The following TIFAB variants were observed in gnomAD, a reference collection of about 807,000 sequenced individuals.
TIFAB encodes TIFA inhibitor.
For synonymous variants in TIFAB, 116 were observed against 95.2 expected, an observed-to-expected ratio of 1.22 and a Z score of -1.27; for missense variants, 222 against 203.6, an observed-to-expected ratio of 1.09 and a Z score of -0.55.
At position 135,444,964 on chromosome 5, in the gene TIFAB, T is replaced by C. The variant is rs1769228844; in HGVS notation, c.*4490A>G. On this transcript the variant is annotated 3_prime_UTR_variant, in exon 2 of 2. Transcript: ENST00000537858. ...GGCACAGTGAGGCGGGTGTTGCAAG[T>C]GGACGCGTCGGGGGTGGTCTGCACG... is the stretch of plus-strand genomic sequence containing the variant. 6.6e-6 allele frequency: 1 copy of C among 152,496 alleles called. No individual in the cohort carries two copies. The highest frequency in any genetic ancestry group is 2.4e-5 in the African/African-American group (1 of 41,426). 9.4% of individuals were successfully genotyped at this position (152,496 alleles called of 1,614,324 possible). A position where few individuals can be genotyped will look rare whatever the true frequency, so the allele number is the denominator to read the frequency against.
rs1260874074 is a variant in TIFAB at position 135,444,821 on chromosome 5, T to C, written c.*4633A>G. On this transcript the variant is annotated 3_prime_UTR_variant, in exon 2 of 2. Transcript: ENST00000537858. ...TGTAGTGACCGTCCATTTGAAGGGATAGGGAAATATTCCCTCAGTGTCCTG... is the reference window on the plus strand; with the variant it reads ...TGTAGTGACCGTCCATTTGAAGGGACAGGGAAATATTCCCTCAGTGTCCTG... 3.9e-5 allele frequency: 6 copies of C among 152,266 alleles called. No homozygotes were observed. Among genetic ancestry groups the C allele is most frequent in the African/African-American group, 1.2e-4 (5 of 41,460 alleles). 9.4% of individuals were successfully genotyped at this position (152,266 alleles called of 1,614,324 possible). A position where few individuals can be genotyped will look rare whatever the true frequency, so the allele number is the denominator to read the frequency against.
chr5:135,447,238 T>C lies in TIFAB; in HGVS notation c.*2216A>G, dbSNP rs1327775972. The C allele has an allele frequency of 8.9e-6, 10 of 1,125,930 alleles. No individual in the cohort carries two copies. Among genetic ancestry groups the C allele is most frequent in the Non-Finnish European group, 1.3e-5 (10 of 785,736 alleles). 69.7% of individuals were successfully genotyped at this position (1,125,930 alleles called of 1,614,324 possible). A position where few individuals can be genotyped will look rare whatever the true frequency, so the allele number is the denominator to read the frequency against. ...TATACTAACCCTGCCTATTGGACCT[T>C]CTGATGCAAGGAGCAGATTAAAATC... On this transcript the variant is annotated 3_prime_UTR_variant, in exon 2 of 2. Coordinates refer to ENST00000537858, the MANE Select transcript of TIFAB (RefSeq NM_001099221.2).
intron 1 of TIFAB, among the ~76,000 whole-genome samples, chr5:135,451,428 T>C (rs1769360452): frequency 6.6e-6 from 1 of 151,896 alleles, no homozygotes; most frequent in Admixed American, 6.6e-5. Context: ...CAGACACACA[T>C]ATGCCTCTAC....
Position 135,449,207 on chromosome 5 carries a change from G to T in TIFAB, c.*247C>A. Reference sequence around the variant, plus strand: ...CCCCTGGGCTGTTTGTTCGGTGTTTGCAGAATTGGTTCATTATGAGCAAGG... The same window carrying T: ...CCCCTGGGCTGTTTGTTCGGTGTTTTCAGAATTGGTTCATTATGAGCAAGG... On this transcript the variant is annotated 3_prime_UTR_variant, in exon 2 of 2. Coordinates refer to ENST00000537858, the MANE Select transcript of TIFAB (RefSeq NM_001099221.2). The T allele has an allele frequency of 1.7e-6, 1 of 578,376 alleles. No homozygotes were observed. The highest frequency in any genetic ancestry group is 3.0e-6 in the Non-Finnish European group (1 of 332,884). 35.8% of individuals were successfully genotyped at this position (578,376 alleles called of 1,614,324 possible).
chr5:135,447,056 T>TC lies in TIFAB; in HGVS notation c.*2397dup, dbSNP rs1279480630. 1 of 1,613,876 alleles carries TC rather than the reference T, an allele frequency of 6.2e-7. No individual in the cohort carries two copies. The highest frequency in any genetic ancestry group is 1.7e-5 in the Admixed American group (1 of 60,014). On this transcript the variant is annotated 3_prime_UTR_variant, in exon 2 of 2. Transcript: ENST00000537858. Reference sequence around the variant, plus strand: ...CAGTCTTTGGTGTCCAGGTACAGTCTCCAGGCCGTGGCTTCTCGAGTTCTG... The same window carrying TC: ...CAGTCTTTGGTGTCCAGGTACAGTCTCCCAGGCCGTGGCTTCTCGAGTTCTG...
At position 135,446,748 on chromosome 5, in the gene TIFAB, C is replaced by T; in HGVS notation, c.*2706G>A. ...CGGGCTCCCTCCCGCCTGGTCTGGC[C>T]TGTCTTCCTTCTGCTGCTATGCAGT... is the stretch of plus-strand genomic sequence containing the variant. On this transcript the variant is annotated 3_prime_UTR_variant, in exon 2 of 2. Coordinates refer to ENST00000537858, the MANE Select transcript of TIFAB (RefSeq NM_001099221.2). The T allele has an allele frequency of 6.2e-7, 1 of 1,613,972 alleles. No individual in the cohort carries two copies. The highest frequency in any genetic ancestry group is 8.5e-7 in the Non-Finnish European group (1 of 1,179,866).
At chr5:135,450,020 C>A in intron 1 of TIFAB, 71 bp from the exon 2 acceptor site, 1 of 1,498,668 alleles carries the variant, frequency 6.7e-7, no homozygotes, top group Non-Finnish European at 8.9e-7. Context: ...TGAGCCCAGA[C>A]ACACTTGCCC....
In TIFAB at chr5:135,447,038, T is replaced by A. The variant is rs142314555; in HGVS notation, c.*2416A>T. 2.7e-5 allele frequency: 43 copies of A among 1,613,996 alleles called. No individual in the cohort carries two copies. In the African/African-American group the frequency reaches 3.9e-4, roughly 15 times the overall value. On this transcript the variant is annotated 3_prime_UTR_variant, in exon 2 of 2. Transcript: ENST00000537858. The stretch of plus-strand genomic sequence containing the variant: ...CCCACCAGCTCCTCTCTCCAGTCTT[T>A]GGTGTCCAGGTACAGTCTCCAGGCC...
rs1172086296 is a variant in TIFAB at position 135,445,706 on chromosome 5, C to T, written c.*3748G>A. On this transcript the variant is annotated 3_prime_UTR_variant, in exon 2 of 2. Transcript: ENST00000537858. ...AGTGAGTGCTCCACCATGGGCCTCC[C>T]TTCCTCCAGGTTGCATCCAGGACTA... is the stretch of plus-strand genomic sequence containing the variant. 1 of 152,418 alleles carries T rather than the reference C, an allele frequency of 6.6e-6. No individual in the cohort carries two copies. The allele number at this position is 152,418 out of a possible 1,614,324, so 9.4% of individuals were successfully genotyped here.
In TIFAB at chr5:135,447,050, A is replaced by T. The variant is rs771055758; in HGVS notation, c.*2404T>A. ...TCTCTCCAGTCTTTGGTGTCCAGGT[A>T]CAGTCTCCAGGCCGTGGCTTCTCGA... On this transcript the variant is annotated 3_prime_UTR_variant, in exon 2 of 2. Transcript: ENST00000537858. 2 of 1,613,890 alleles carry T rather than the reference A, an allele frequency of 1.2e-6. No homozygotes were observed. Among genetic ancestry groups the T allele is most frequent in the Admixed American group, 1.7e-5 (1 of 60,000 alleles).
In TIFAB at chr5:135,447,860, G is replaced by T. The variant is rs1769298400; in HGVS notation, c.*1594C>A. On this transcript the variant is annotated 3_prime_UTR_variant, in exon 2 of 2. Coordinates refer to ENST00000537858, the MANE Select transcript of TIFAB (RefSeq NM_001099221.2). Reference sequence around the variant, plus strand: ...TGAGTGCAAGGTAAACTCCCTGAGGGAGTTTGCCTTATTCACTTCTGGTTC... The same window carrying T: ...TGAGTGCAAGGTAAACTCCCTGAGGTAGTTTGCCTTATTCACTTCTGGTTC... 6.6e-6 allele frequency: 1 copy of T among 152,264 alleles called. No homozygotes were observed. The highest frequency in any genetic ancestry group is 1.5e-5 in the Non-Finnish European group (1 of 68,096). The allele number at this position is 152,264 out of a possible 1,614,324, so 9.4% of individuals were successfully genotyped here. A position where few individuals can be genotyped will look rare whatever the true frequency, so the allele number is the denominator to read the frequency against.
In TIFAB at chr5:135,449,867, C is replaced by CA; in HGVS notation, c.72dup (p.Val25CysfsTer8). 1 of 1,583,250 alleles carries CA rather than the reference C, an allele frequency of 6.3e-7. No individual in the cohort carries two copies. The stretch of plus-strand genomic sequence containing the variant: ...GTATCATGCTGCAGCCGTGGTGGGA[C>CA]ATTGGCAAAGGCAGATGGGCCCAGC... On this transcript the variant is annotated frameshift_variant, in exon 2 of 2. Coordinates refer to ENST00000537858, the MANE Select transcript of TIFAB (RefSeq NM_001099221.2). LOFTEE classifies it low-confidence loss of function (END_TRUNC).
intron 1 of TIFAB, among the ~76,000 whole-genome samples, chr5:135,451,244 T>C (rs1769358044): frequency 6.6e-6 from 1 of 152,246 alleles, no homozygotes. Flanking sequence ...TCAAAGGCTG[T>C]GGGACAGCGA....
chr5:135,449,839 C>A lies in TIFAB; in HGVS notation c.101G>T (p.Ser34Ile), dbSNP rs545030607. The change falls in exon 2 of 2, where the codon AGC (serine) becomes ATC (isoleucine). Residue 34 changes from serine (S) to isoleucine (I), a missense_variant. By Grantham distance (142) the Ser-to-Ile change is moderately radical. Coordinates refer to ENST00000537858, the MANE Select transcript of TIFAB (RefSeq NM_001099221.2). ...CTGCCCCCGTCCGAGAAGCAGAGGG[C>A]TGGTATCATGCTGCAGCCGTGGTGG... ...NVPPRLQHDTSPLLLGRGQDA... is the reference protein window; with the variant it reads ...NVPPRLQHDTIPLLLGRGQDA... 8.1e-6 allele frequency: 13 copies of A among 1,603,754 alleles called. No individual in the cohort carries two copies. The highest frequency in any genetic ancestry group is 1.7e-4 in the Middle Eastern group (1 of 6,024).
chr5:135,449,789 G>A lies in TIFAB; in HGVS notation c.151C>T (p.Pro51Ser), dbSNP rs1379685915. 1 of 1,610,944 alleles carries A rather than the reference G, an allele frequency of 6.2e-7. No individual in the cohort carries two copies. The highest frequency in any genetic ancestry group is 8.5e-7 in the Non-Finnish European group (1 of 1,177,536). Residue 51 changes from proline (P) to serine (S), a missense_variant, in exon 2 of 2, where the codon CCT becomes TCT. Physicochemically the swap from Pro to Ser is moderately conservative, Grantham distance 74. Coordinates refer to ENST00000537858, the MANE Select transcript of TIFAB (RefSeq NM_001099221.2). ...GQDAHLQLQL[P>S]RLSRRHLSLE... is the part of the protein sequence containing the mutation. ...GACAGGTGACGGCGGGAGAGGCGAG[G>A]GAGCTGCAGCTGGAGGTGGGCGTCC...
At position 135,449,620 on chromosome 5, in the gene TIFAB, A is replaced by T. The variant is rs1769330602; in HGVS notation, c.320T>A (p.Phe107Tyr). Residue 107 changes from phenylalanine (F) to tyrosine (Y), a missense_variant, in exon 2 of 2, where the codon TTC becomes TAC. Transcript: ENST00000537858. ...VPLSTVNRVS[F>Y]SGIQMLVRVE... is the part of the protein sequence containing the mutation. ...GCGAACCAGCATCTGGATGCCTGAGAAGGAGACCCTGTTGACGGTGCTCAG... is the reference window on the plus strand; with the variant it reads ...GCGAACCAGCATCTGGATGCCTGAGTAGGAGACCCTGTTGACGGTGCTCAG... 1 of 1,614,158 alleles carries T rather than the reference A, an allele frequency of 6.2e-7. No homozygotes were observed.
At position 135,449,664 on chromosome 5, in the gene TIFAB, C is replaced by G; in HGVS notation, c.276G>C (p.Arg92Ser). The G allele has an allele frequency of 6.2e-7, 1 of 1,614,166 alleles. No individual in the cohort carries two copies. Among genetic ancestry groups the G allele is most frequent in the Non-Finnish European group, 8.5e-7 (1 of 1,180,044 alleles). ...TGCTCAGGGGGACCTGCTCCAGGTACCTCAGCGTCAGCCCATTGACCCACA... is the reference window on the plus strand; with the variant it reads ...TGCTCAGGGGGACCTGCTCCAGGTAGCTCAGCGTCAGCCCATTGACCCACA... ...GCVWVNGLTLRYLEQVPLSTV... is the reference protein window; with the variant it reads ...GCVWVNGLTLSYLEQVPLSTV... Residue 92 changes from arginine to serine, a missense_variant, in exon 2 of 2, where the codon AGG (arginine) becomes AGC (serine). Transcript: ENST00000537858.
chr5:135,446,454 T>C lies in TIFAB; in HGVS notation c.*3000A>G, dbSNP rs561282122. On this transcript the variant is annotated 3_prime_UTR_variant, in exon 2 of 2. Transcript: ENST00000537858. The stretch of plus-strand genomic sequence containing the variant: ...TGTTGGGAGGAACTCACCCGCCTGC[T>C]CTGGCTGTCTGAGCAGGTGAGGGAT... The C allele has an allele frequency of 6.2e-7, 1 of 1,613,836 alleles. No individual in the cohort carries two copies. Among genetic ancestry groups the C allele is most frequent in the African/African-American group, 1.3e-5 (1 of 75,046 alleles).
In TIFAB at chr5:135,446,294, G is replaced by A; in HGVS notation, c.*3160C>T. ...CAGTCTGACCAGAGGGCCCTAGCTG[G>A]GAGCAGCGTTCATGTGCACTGTATG... On this transcript the variant is annotated 3_prime_UTR_variant, in exon 2 of 2. Transcript: ENST00000537858. 1 of 1,500,040 alleles carries A rather than the reference G, an allele frequency of 6.7e-7. No individual in the cohort carries two copies. Among genetic ancestry groups the A allele is most frequent in the Non-Finnish European group, 8.9e-7 (1 of 1,118,756 alleles). 92.9% of individuals were successfully genotyped at this position (1,500,040 alleles called of 1,614,324 possible).
Sources: allele counts gnomAD v4.1 joint callset (sites outside exome capture counted in the v4.1 genomes callset), GRCh38; gene constraint gnomAD v4.1.1; transcripts MANE v1.5; gene names NCBI Gene and HGNC (gene_info 2026-07-23, HGNC 2026-07-21).